EGFLAM: variants seen among roughly 807,000 people sequenced by gnomAD.
The protein encoded by EGFLAM is pikachurin.
A neutral mutation model predicts 113.1 loss-of-function variants in EGFLAM; 79 were observed. That is an observed-to-expected ratio of 0.70 (90% CI 0.58 to 0.84). The LOEUF is 0.84. Ranked by LOEUF, EGFLAM falls within the 40% of genes least tolerant of loss-of-function variation. EGFLAM has a pLI of 0.00. For missense variants in EGFLAM, 1,265 were observed against 1,291.6 expected (o/e 0.98, Z 0.32); for synonymous variants, 504 against 487.6 (o/e 1.03, Z -0.44).
intron 1 of EGFLAM, among the ~76,000 whole-genome samples, chr5:38,268,809 A>C (rs1205048087): frequency 6.6e-6 from 1 of 152,230 alleles, no homozygotes; most frequent in Non-Finnish European, 1.5e-5. Flanking sequence ...AGGTTCAAAA[A>C]TATGTATATG....
At chr5:38,341,784 C>T (rs976207772) in intron 3 of EGFLAM, among the ~76,000 whole-genome samples, 3 of 152,070 alleles carry the variant, frequency 2.0e-5, no homozygotes, top group Non-Finnish European at 4.4e-5. Context: ...AACTTCAGCA[C>T]GATACCTGGC....
chr5:38,443,972 T>C (rs1742628645), intron 17 of EGFLAM, among the ~76,000 whole-genome samples: 1 of 152,098 alleles, frequency 6.6e-6, no homozygotes, highest in African/African-American at 2.4e-5. Flanking sequence ...GGTTTCCCCA[T>C]GTTGGCCAGG....
At chr5:38,371,657 C>T (rs1419913257) in intron 6 of EGFLAM, among the ~76,000 whole-genome samples, 1 of 151,992 alleles carries the variant, frequency 6.6e-6, no homozygotes. Flanking sequence ...TATGCACATG[C>T]TCGTGCACCC....
chr5:38,337,410 C>A, intron 1 of EGFLAM, 110 bp from the exon 2 acceptor site: 1 of 1,024,264 alleles, frequency 9.8e-7, no homozygotes, highest in Non-Finnish European at 1.4e-6. Context: ...CTGGAATTAT[C>A]TTTAAGTATG....
chr5:38,283,163 A>C (rs1376184250), intron 1 of EGFLAM, among the ~76,000 whole-genome samples: 1 of 152,074 alleles, frequency 6.6e-6, no homozygotes, highest in African/African-American at 2.4e-5. Context: ...GAAGAAAAAA[A>C]TTTACATCAC....
At chr5:38,388,609 A>AT (rs1561062317) in intron 6 of EGFLAM, among the ~76,000 whole-genome samples, 241 of 151,640 alleles carry the variant, frequency 1.6e-3, no homozygotes, top group African/African-American at 5.2e-3. Flanking sequence ...TGTATATATA[A>AT]ATTAGCCCGG....
intron 15 of EGFLAM, among the ~76,000 whole-genome samples, chr5:38,434,128 G>T (rs1217869715): frequency 2.6e-5 from 4 of 152,172 alleles, no homozygotes; most frequent in African/African-American, 9.7e-5. Flanking sequence ...TGCTCGTAAT[G>T]TGGTGTGTAA....
At chr5:38,369,483 A>C (rs961711251) in intron 5 of EGFLAM, among the ~76,000 whole-genome samples, 3 of 152,210 alleles carry the variant, frequency 2.0e-5, no homozygotes, top group African/African-American at 7.2e-5. Context: ...AGTCCCTTGA[A>C]TAATGTCTGG....
At chr5:38,458,441 T>C (rs372909046) in intron 20 of EGFLAM, 47 bp downstream of exon 20, 1,128 of 1,584,968 alleles carry the variant, frequency 7.1e-4, no homozygotes, top group Non-Finnish European at 9.2e-4. Context: ...TGAGCAGTGG[T>C]GGGATGTGGT....
In EGFLAM at chr5:38,412,532, A is replaced by G. The variant is rs1741514788; in HGVS notation, c.1378A>G (p.Ile460Val). ...TAATTGTGGAACTGGGGTTGCCATC[A>G]TCGTAAGTGAGACCAAAATCAAACT... ...RFNCGTGVAI[I>V]VSETKIKLGG... The change falls in exon 11 of 22, where the codon ATC becomes GTC. Residue 460 changes from isoleucine to valine, a missense_variant. By Grantham distance (29) the Ile-to-Val change is conservative. Coordinates refer to ENST00000322350, the MANE Select transcript of EGFLAM (RefSeq NM_152403.4). 6.2e-7 allele frequency: 1 copy of G among 1,614,148 alleles called. No individual in the cohort carries two copies. Among genetic ancestry groups the G allele is most frequent in the Non-Finnish European group, 8.5e-7 (1 of 1,180,014 alleles).
At chr5:38,359,728 A>G (rs1188764712) in intron 5 of EGFLAM, among the ~76,000 whole-genome samples, 1 of 152,214 alleles carries the variant, frequency 6.6e-6, no homozygotes, top group Non-Finnish European at 1.5e-5. Flanking sequence ...GTGAAAGTTC[A>G]GAATATGTCT....
rs759722068 is a variant in EGFLAM, at chr5:38,418,216, C to A, written c.1645C>A (p.Pro549Thr). ...AVNGRRIDMR[P>T]WPLGKALSGA... is the part of the protein sequence containing the mutation. ...GAATGGGAGGAGAATTGACATGAGG[C>A]CCTGGCCCCTGGGAAAAGCACTCAG... Residue 549 changes from proline to threonine, a missense_variant, in exon 12 of 22, where the codon CCC (proline) becomes ACC (threonine). Pro to Thr is a conservative substitution (Grantham distance 38). Coordinates refer to ENST00000322350, the MANE Select transcript of EGFLAM (RefSeq NM_152403.4). 2 of 1,613,736 alleles carry A rather than the reference C, an allele frequency of 1.2e-6. No individual in the cohort carries two copies. Among genetic ancestry groups the A allele is most frequent in the African/African-American group, 1.3e-5 (1 of 74,846 alleles).
intron 1 of EGFLAM, among the ~76,000 whole-genome samples, chr5:38,316,601 T>A (rs369494069): frequency 6.6e-6 from 1 of 152,164 alleles, no homozygotes; most frequent in African/African-American, 2.4e-5. Context: ...CATTCCCCCA[T>A]TTTTGTGATT....
chr5:38,444,878 G>C (rs1171111617), intron 17 of EGFLAM, among the ~76,000 whole-genome samples: 1 of 152,242 alleles, frequency 6.6e-6, no homozygotes, highest in Non-Finnish European at 1.5e-5. Flanking sequence ...CCTGGAGGCA[G>C]AGGTTGCAGT....
At chr5:38,363,971 A>C (rs1317137939) in intron 5 of EGFLAM, among the ~76,000 whole-genome samples, 3 of 152,230 alleles carry the variant, frequency 2.0e-5, no homozygotes, top group Middle Eastern at 3.2e-3. Flanking sequence ...AACAGTACCT[A>C]AATGGGTGTC....
chr5:38,384,061 T>C (rs1287233751), intron 6 of EGFLAM, among the ~76,000 whole-genome samples: 1 of 152,128 alleles, frequency 6.6e-6, no homozygotes, highest in Admixed American at 6.5e-5. Flanking sequence ...CAAAATGACA[T>C]GGCCTGACTT....
At position 38,342,831 on chromosome 5, in the gene EGFLAM, C is replaced by T. The variant is rs868491841; in HGVS notation, c.291+4050C>T. Among the ~76,000 whole-genome samples the T allele has an allele frequency of 3.9e-4, 59 of 152,224 alleles. No individual in the cohort carries two copies. In the South Asian group the frequency reaches 3.9e-3, roughly 10 times the overall value. On this transcript the variant is annotated intron_variant, in intron 3 of 21. Coordinates refer to ENST00000322350, the MANE Select transcript of EGFLAM (RefSeq NM_152403.4). ...GTATTTATAAATTATACATATGCTA[C>T]GGTACTAATATATTATGTACATTAT... is the stretch of plus-strand genomic sequence containing the variant.
rs1046922783 is a variant in EGFLAM, at chr5:38,260,468, G to T, written c.97+1617G>T. 2.6e-5 allele frequency among the ~76,000 whole-genome samples: 4 copies of T among 152,002 alleles called. No individual in the cohort carries two copies. In the South Asian group the frequency reaches 8.3e-4, roughly 32 times the overall value. On this transcript the variant is annotated intron_variant, in intron 1 of 21. Coordinates refer to ENST00000322350, the MANE Select transcript of EGFLAM (RefSeq NM_152403.4). ...ATCATATTTTCCTTCTTATTTTTTG[G>T]AGTTCTTCTCCTAAAAAGATTTTCT...
rs1048328847 is a variant in EGFLAM, at chr5:38,427,184, G to A, written c.1986G>A (p.Leu662=). ...YSYDTGSKDF[L]SINLAGGHVE... is the part of the protein sequence containing the mutation. The stretch of plus-strand genomic sequence containing the variant: ...ATGACACAGGCAGCAAAGACTTCCT[G>A]TCCATCAACTTGGCAGGGGGCCACG... Residue 662 remains leucine, a synonymous_variant, in exon 14 of 22, where the codon CTG becomes CTA. Coordinates refer to ENST00000322350, the MANE Select transcript of EGFLAM (RefSeq NM_152403.4). 3.1e-6 allele frequency: 5 copies of A among 1,614,170 alleles called. No individual in the cohort carries two copies. Among genetic ancestry groups the A allele is most frequent in the Non-Finnish European group, 4.2e-6 (5 of 1,180,034 alleles).
Sources: gnomAD v4.1 joint callset for allele counts (sites outside exome capture counted in the v4.1 genomes callset) on GRCh38, gnomAD v4.1.1 for gene constraint, MANE v1.5 for transcripts, NCBI Gene and HGNC (gene_info 2026-07-23, HGNC 2026-07-21) for gene names.